ATG5: variants seen among roughly 807,000 people sequenced by gnomAD.
ATG5 encodes autophagy related 5.
ATG5 carries 14 observed loss-of-function variants against 36.5 expected under a neutral mutation model. The observed-to-expected ratio is 0.38, with a 90% confidence interval of 0.25 to 0.60. The LOEUF is 0.60. ATG5 is among the 20% of genes least tolerant of loss of function. The pLI, the probability that ATG5 is intolerant of heterozygous loss-of-function variation, is 0.60. For synonymous variants in ATG5, 95 were observed against 101.5 expected, an observed-to-expected ratio of 0.94 and a Z score of 0.38; for missense variants, 195 against 326.7, an observed-to-expected ratio of 0.60 and a Z score of 3.11.
intron 6 of ATG5, 22 bp from the exon 7 acceptor site, chr6:106,202,111 G>C (rs1776454050): frequency 6.3e-7 from 1 of 1,586,506 alleles, no homozygotes. Flanking sequence ...AGGAAAAAAT[G>C]ATTCAAGCAA....
intron 6 of ATG5, among the ~76,000 whole-genome samples, chr6:106,247,533 A>C (rs1416157346): frequency 6.6e-6 from 1 of 152,218 alleles, no homozygotes; most frequent in Non-Finnish European, 1.5e-5. Flanking sequence ...CTATAAGGTT[A>C]CCACAAACAC....
chr6:106,280,919 T>C (rs1332875862), intron 4 of ATG5, among the ~76,000 whole-genome samples: 1 of 152,146 alleles, frequency 6.6e-6, no homozygotes, highest in South Asian at 2.1e-4. Flanking sequence ...AAGATAATCA[T>C]TATATTCAAA....
chr6:106,272,845 T>C (rs928246663), intron 5 of ATG5, among the ~76,000 whole-genome samples: 3 of 152,186 alleles, frequency 2.0e-5, no homozygotes, highest in Non-Finnish European at 4.4e-5. Context: ...CAAGACTTGA[T>C]TAAACATGAG....
chr6:106,240,618 A>C (rs1454000044), intron 6 of ATG5, among the ~76,000 whole-genome samples: 1 of 151,914 alleles, frequency 6.6e-6, no homozygotes, highest in Non-Finnish European at 1.5e-5. Context: ...GCTCTCATAT[A>C]CTGTTAGTGA....
intron 6 of ATG5, among the ~76,000 whole-genome samples, chr6:106,215,327 T>G (rs929202034): frequency 7.2e-5 from 11 of 152,230 alleles, no homozygotes; most frequent in Non-Finnish European, 1.5e-4. Context: ...TAGGAGCTAG[T>G]GGAGCTCTTC....
At chr6:106,305,295 T>TA (rs936600740) in intron 3 of ATG5, among the ~76,000 whole-genome samples, 43 of 152,288 alleles carry the variant, frequency 2.8e-4, no homozygotes, top group African/African-American at 9.1e-4. Flanking sequence ...ACTATTTCTT[T>TA]AAAAAATCTT....
chr6:106,313,153 CTAGAAGGAAGAA>C (rs1296792634), intron 2 of ATG5, among the ~76,000 whole-genome samples: 1 of 152,164 alleles, frequency 6.6e-6, no homozygotes, highest in Non-Finnish European at 1.5e-5. Context: ...TGGGCCTTGC[CTAGAAGGAAGAA>C]TACTTCTTCC....
At chr6:106,242,697 T>C (rs912435733) in intron 6 of ATG5, among the ~76,000 whole-genome samples, 1 of 152,192 alleles carries the variant, frequency 6.6e-6, no homozygotes, top group Non-Finnish European at 1.5e-5. Flanking sequence ...GCTAGAGATA[T>C]ATCTGCAGTT....
rs920609368 is a variant in ATG5, at chr6:106,246,681, T to C, written c.573+1469A>G. Among the ~76,000 whole-genome samples, 10 of 152,288 alleles carry C rather than the reference T, an allele frequency of 6.6e-5. No individual in the cohort carries two copies. In the East Asian group the frequency reaches 1.9e-3, roughly 29 times the overall value. ...TATATATGCCAGAACTTGACCCAAA[T>C]AAGTGCTGAGAGGTATAAATCTCAA... is the stretch of plus-strand genomic sequence containing the variant. On this transcript the variant is annotated intron_variant, in intron 6 of 7. Transcript: ENST00000369076.
At chr6:106,316,831 C>T (rs2114682058) in intron 1 of ATG5, among the ~76,000 whole-genome samples, 1 of 152,300 alleles carries the variant, frequency 6.6e-6, no homozygotes, top group East Asian at 1.9e-4. Context: ...CCCACCAATA[C>T]TTCCATTTTA....
chr6:106,186,725 G>A (rs1231672926), intron 7 of ATG5, 49 bp from the exon 8 acceptor site: 1 of 1,591,244 alleles, frequency 6.3e-7, no homozygotes, highest in Admixed American at 1.7e-5. Context: ...AACAGTTGAA[G>A]AAAAAATAAT....
At position 106,215,151 on chromosome 6, in the gene ATG5, C is replaced by T. The variant is rs1776988436; in HGVS notation, c.574-13062G>A. On this transcript the variant is annotated intron_variant, in intron 6 of 7. Coordinates refer to ENST00000369076, the MANE Select transcript of ATG5 (RefSeq NM_004849.4). ...ATGTTTTATCCTTTTGGTGTACTTA[C>T]ATAAAATAATTAAGAAACACTTTTA... Among the ~76,000 whole-genome samples the T allele has an allele frequency of 2.0e-5, 3 of 152,168 alleles. No individual in the cohort carries two copies. In the South Asian group the frequency reaches 6.2e-4, roughly 31 times the overall value.
chr6:106,250,029 T>G (rs778907762), intron 5 of ATG5, among the ~76,000 whole-genome samples: 19 of 152,296 alleles, frequency 1.2e-4, no homozygotes, highest in Non-Finnish European at 2.8e-4. Context: ...TTTCTCCCGT[T>G]CTGTACATTG....
rs1249340723 is a variant in ATG5 at position 106,293,140 on chromosome 6, A to G, written c.237-34T>C. The G allele has an allele frequency of 2.6e-6, 4 of 1,568,532 alleles. No homozygotes were observed. The Admixed American group carries it at 5.1e-5, about 20-fold the overall frequency. On this transcript the variant is annotated intron_variant, in intron 3 of 7. Transcript: ENST00000369076. ...GAAACAGTATATTTTGAGAAAATAA[A>G]TATTTAAAGTTATAACTACAAGGCC...
intron 6 of ATG5, among the ~76,000 whole-genome samples, chr6:106,237,469 A>G (rs1005819613): frequency 6.6e-6 from 1 of 152,194 alleles, no homozygotes; most frequent in Non-Finnish European, 1.5e-5. Context: ...TCCTTGTTCC[A>G]TTGCTTACCG....
At chr6:106,202,324 T>C (rs932491285) in intron 6 of ATG5, 6 of 412,930 alleles carry the variant, frequency 1.5e-5, no homozygotes, top group African/African-American at 1.2e-4. Flanking sequence ...ATTCTAAAGA[T>C]AATTGGCTGG....
chr6:106,192,766 T>C (rs886235078), intron 7 of ATG5, among the ~76,000 whole-genome samples: 1 of 152,198 alleles, frequency 6.6e-6, no homozygotes, highest in Non-Finnish European at 1.5e-5. Flanking sequence ...AAATACTTAA[T>C]ACTGCCTAGA....
At chr6:106,195,119 C>A (rs1776123298) in intron 7 of ATG5, among the ~76,000 whole-genome samples, 1 of 152,162 alleles carries the variant, frequency 6.6e-6, no homozygotes, top group African/African-American at 2.4e-5. Flanking sequence ...CCACAAGCAG[C>A]AGCTCATCAT....
At chr6:106,234,117 G>T (rs1042321153) in intron 6 of ATG5, among the ~76,000 whole-genome samples, 2 of 152,102 alleles carry the variant, frequency 1.3e-5, no homozygotes, top group Non-Finnish European at 1.5e-5. Context: ...ATGTCTGAGG[G>T]GGGTGGAGTT....
Sources: allele counts gnomAD v4.1 joint callset (sites outside exome capture counted in the v4.1 genomes callset), GRCh38; gene constraint gnomAD v4.1.1; transcripts MANE v1.5; gene names NCBI Gene and HGNC (gene_info 2026-07-23, HGNC 2026-07-21).